Variants in DNAAF4 observed in about 807,000 individuals in gnomAD.
DNAAF4 encodes the protein dynein assembly factor 4, axonemal.
DNAAF4 carries 43 observed loss-of-function variants against 51.8 expected under a neutral mutation model. The observed-to-expected ratio is 0.83, with a 90% CI of 0.65 to 1.07. DNAAF4 has a LOEUF of 1.07. Among genes scored for constraint, DNAAF4 ranks in the 50% least tolerant of loss-of-function variants. The pLI is 0.00. For synonymous variants in DNAAF4, 194 were observed against 165.6 expected, an observed-to-expected ratio of 1.17 and a Z score of -1.32; for missense variants, 581 against 493.0, an observed-to-expected ratio of 1.18 and a Z score of -1.69.
chr15:55,461,725 G>T lies in DNAAF4; in HGVS notation c.637+5205C>A, dbSNP rs2058097129. Among the ~76,000 whole-genome samples, 3 of 151,668 alleles carry T rather than the reference G, an allele frequency of 2.0e-5. No individual in the cohort carries two copies. The South Asian group carries it at 6.3e-4, about 32-fold the overall frequency. ...CAGACAATCTAGGCTCACACATCAA[G>T]AAACTAGAGAAAAAAGAACACATCA... is the stretch of plus-strand genomic sequence containing the variant. On this transcript the variant is annotated intron_variant, in intron 5 of 9. Coordinates refer to ENST00000321149, the MANE Select transcript of DNAAF4 (RefSeq NM_130810.4).
chr15:55,471,735 G>A (rs995169774), intron 4 of DNAAF4, among the ~76,000 whole-genome samples: 5 of 151,996 alleles, frequency 3.3e-5, no homozygotes, highest in African/African-American at 1.2e-4. Context: ...GGATGGTCTC[G>A]ATCTCCTGAC....
chr15:55,443,564 T>C (rs1471573099), intron 6 of DNAAF4, among the ~76,000 whole-genome samples: 1 of 152,250 alleles, frequency 6.6e-6, no homozygotes, highest in Non-Finnish European at 1.5e-5. Context: ...ATATACCCAG[T>C]AATGGGATGG....
At chr15:55,434,239 T>C (rs7161981) in intron 8 of DNAAF4, among the ~76,000 whole-genome samples, 27,591 of 148,908 alleles carry the variant, frequency 0.19, 4,617 homozygotes, top group African/African-American at 0.45. Flanking sequence ...GTATTCAGAT[T>C]GGGTGATTCA....
chr15:55,466,192 G>A (rs931453898), intron 5 of DNAAF4, among the ~76,000 whole-genome samples: 3 of 152,178 alleles, frequency 2.0e-5, no homozygotes, highest in African/African-American at 7.2e-5. Flanking sequence ...GGAGGCCAAG[G>A]CAGGCAGATT....
chr15:55,441,417 C>CT (rs558120319), intron 6 of DNAAF4, among the ~76,000 whole-genome samples: 7,419 of 151,496 alleles, frequency 0.049, 246 homozygotes, highest in African/African-American at 0.091. Flanking sequence ...TTTCATTTTT[C>CT]TTTTTTTTTA....
In DNAAF4 at chr15:55,508,200, G is replaced by A. The variant is rs901207000; in HGVS notation, c.-334C>T. On this transcript the variant is annotated 5_prime_UTR_variant, in exon 1 of 10. Transcript: ENST00000321149. ...CATGCTGGGGCCAGAGTAGTCTGCT[G>A]GATCCATGGTGTGGGTTTGCATAAT... The A allele has an allele frequency of 6.6e-6, 1 of 152,182 alleles. No homozygotes were observed. The highest frequency in any genetic ancestry group is 2.4e-5 in the African/African-American group (1 of 41,420). The allele number at this position is 152,182 out of a possible 1,614,324, so 9.4% of individuals were successfully genotyped here.
chr15:55,498,283 G>T lies in DNAAF4; in HGVS notation c.47C>A (p.Ala16Glu). The change falls in exon 2 of 10, where the codon GCG becomes GAG. Residue 16 changes from alanine to glutamate, a missense_variant. Physicochemically the swap from Ala to Glu is moderately radical, Grantham distance 107. Transcript: ENST00000321149. ...TTTGAGGGGCAGAGACAGAAAGACC[G>T]CAGTCTTCGTCTGCTGCCAGCTGTA... ...SDYSWQQTKT[A>E]VFLSLPLKGV... is the part of the protein sequence containing the mutation. 6.2e-7 allele frequency: 1 copy of T among 1,613,324 alleles called. No homozygotes were observed. Among genetic ancestry groups the T allele is most frequent in the Admixed American group, 1.7e-5 (1 of 59,894 alleles).
intron 6 of DNAAF4, chr15:55,442,883 T>C (rs2057736685): frequency 2.5e-6 from 4 of 1,612,216 alleles, no homozygotes. Context: ...TCAATCATGG[T>C]TGCAATGGCA....
chr15:55,460,292 G>C (rs1259694866), intron 5 of DNAAF4, among the ~76,000 whole-genome samples: 1 of 150,744 alleles, frequency 6.6e-6, no homozygotes, highest in African/African-American at 2.4e-5. Context: ...CAATTCTCCT[G>C]CCTCAGCCTC....
chr15:55,498,121 G>A, intron 2 of DNAAF4, 86 bp downstream of exon 2: 2 of 1,596,776 alleles, frequency 1.3e-6, no homozygotes, highest in Non-Finnish European at 1.7e-6. Context: ...CGGCAAAGAT[G>A]AGCCTGTTGC....
Position 55,461,507 on chromosome 15 carries a change from T to C in DNAAF4, c.637+5423A>G, listed in dbSNP as rs569734215. ...GAACACTCAAAACTATACAAATATA[T>C]GGAAATTACGTAACCTGCCCCTGAA... On this transcript the variant is annotated intron_variant, in intron 5 of 9. Transcript: ENST00000321149. Among the ~76,000 whole-genome samples, 15 of 152,226 alleles carry C rather than the reference T, an allele frequency of 9.9e-5. No homozygotes were observed. In the South Asian group the frequency reaches 2.3e-3, roughly 23 times the overall value.
chr15:55,481,689 C>T (rs2058412876), intron 4 of DNAAF4, among the ~76,000 whole-genome samples: 1 of 152,124 alleles, frequency 6.6e-6, no homozygotes, highest in East Asian at 1.9e-4. Flanking sequence ...CCTCTGCCTC[C>T]CATAAAGATT....
chr15:55,448,378 T>A (rs898508259), intron 6 of DNAAF4, among the ~76,000 whole-genome samples: 1 of 151,814 alleles, frequency 6.6e-6, no homozygotes, highest in African/African-American at 2.4e-5. Flanking sequence ...TTCTTTTATA[T>A]TTTCATTTTT....
chr15:55,497,619 C>T, intron 3 of DNAAF4, 93 bp downstream of exon 3: 3 of 1,429,710 alleles, frequency 2.1e-6, no homozygotes, highest in Admixed American at 2.4e-5. Context: ...CTATCTTCCC[C>T]TACACAATAT....
At chr15:55,501,076 G>GT (rs2058694975) in intron 1 of DNAAF4, among the ~76,000 whole-genome samples, 1 of 149,462 alleles carries the variant, frequency 6.7e-6, no homozygotes, top group Admixed American at 6.7e-5. Flanking sequence ...TTTTGTTGTT[G>GT]TTTTTTCAGA....
Position 55,450,260 on chromosome 15 carries a change from T to C in DNAAF4, c.745A>G (p.Thr249Ala), listed in dbSNP as rs1192713625. ...KINFTPRVFP[T>A]ALRESQVAEE... Reference sequence around the variant, plus strand: ...GCTACTTGTGATTCACGAAGAGCTGTTGGGAATACTCGAGGGGTAAAGTTG... The same window carrying C: ...GCTACTTGTGATTCACGAAGAGCTGCTGGGAATACTCGAGGGGTAAAGTTG... The change falls in exon 6 of 10, where the codon ACA becomes GCA. Residue 249 changes from threonine (T) to alanine (A), a missense_variant. By Grantham distance (58) the Thr-to-Ala change is moderately conservative. Transcript: ENST00000321149. The C allele has an allele frequency of 1.2e-6, 2 of 1,613,978 alleles. No individual in the cohort carries two copies. Among genetic ancestry groups the C allele is most frequent in the Non-Finnish European group, 1.7e-6 (2 of 1,179,990 alleles).
intron 4 of DNAAF4, among the ~76,000 whole-genome samples, chr15:55,479,848 T>C (rs1221729483): frequency 6.6e-6 from 1 of 152,110 alleles, no homozygotes; most frequent in Non-Finnish European, 1.5e-5. Context: ...GGGGAAAAAC[T>C]CCACCCTCGT....
chr15:55,481,638 C>T (rs946345812), intron 4 of DNAAF4, among the ~76,000 whole-genome samples: 2 of 152,170 alleles, frequency 1.3e-5, no homozygotes. Flanking sequence ...GGACTCTGCC[C>T]TAATCCGCAC....
intron 7 of DNAAF4, among the ~76,000 whole-genome samples, chr15:55,438,449 C>G (rs915171870): frequency 2.6e-5 from 4 of 151,432 alleles, no homozygotes; most frequent in African/African-American, 7.3e-5. Context: ...GTGTTTACAT[C>G]ACTGACCTGG....
Sources: allele counts gnomAD v4.1 joint callset (sites outside exome capture counted in the v4.1 genomes callset), GRCh38; gene constraint gnomAD v4.1.1; transcripts MANE v1.5; gene names NCBI Gene and HGNC (gene_info 2026-07-23, HGNC 2026-07-21).